The following DPYD variants were observed in gnomAD, a reference collection of about 807,000 sequenced individuals.
DPYD encodes the protein dihydropyrimidine dehydrogenase, also known as dihydropyrimidine dehydrogenase [NADP(+)].
In DPYD, 109 loss-of-function variants were observed where a neutral mutation model predicts 116.2. That is an observed-to-expected ratio of 0.94 (90% CI 0.80 to 1.10). DPYD has a LOEUF of 1.10. Among genes scored for constraint, DPYD ranks in the 50% least tolerant of loss-of-function variants. The probability of loss-of-function intolerance (pLI) is 0.00; values close to 1 mark genes in which losing one functional copy is unlikely to be tolerated. For missense variants in DPYD, 1,302 were observed against 1,254.5 expected (o/e 1.04, Z -0.57); for synonymous variants, 440 against 432.0 (o/e 1.02, Z -0.23).
intron 18 of DPYD, among the ~76,000 whole-genome samples, chr1:97,243,538 C>T (rs1035067892): frequency 2.0e-5 from 3 of 151,872 alleles, no homozygotes; most frequent in Non-Finnish European, 2.9e-5. Context: ...ACACCATGCT[C>T]TTAACCACAA....
intron 13 of DPYD, among the ~76,000 whole-genome samples, chr1:97,493,917 C>T (rs533617937): frequency 3.9e-5 from 6 of 152,248 alleles, no homozygotes; most frequent in African/African-American, 1.4e-4. Flanking sequence ...GAGGGCAACT[C>T]AGTCTTTGTT....
intron 20 of DPYD, among the ~76,000 whole-genome samples, chr1:97,107,501 A>G (rs1042715662): frequency 5.9e-5 from 9 of 152,078 alleles, no homozygotes; most frequent in Non-Finnish European, 1.3e-4. Context: ...GGGGATTATA[A>G]ATTTAACAAG....
At chr1:97,427,215 A>T (rs1415531193) in intron 14 of DPYD, among the ~76,000 whole-genome samples, 1 of 152,068 alleles carries the variant, frequency 6.6e-6, no homozygotes. Flanking sequence ...CTGTTTATGA[A>T]GTTAAATATT....
intron 8 of DPYD, among the ~76,000 whole-genome samples, chr1:97,672,709 T>C (rs1440564658): frequency 1.3e-5 from 2 of 152,160 alleles, no homozygotes; most frequent in African/African-American, 4.8e-5. Flanking sequence ...CACAACTATG[T>C]ACAATTTAAA....
intron 8 of DPYD, among the ~76,000 whole-genome samples, chr1:97,677,850 G>A (rs1660227525): frequency 6.6e-6 from 1 of 152,142 alleles, no homozygotes; most frequent in Admixed American, 6.5e-5. Flanking sequence ...CATTAATGAT[G>A]ACTGCACTTC....
At chr1:97,542,445 A>C (rs748569243) in intron 12 of DPYD, among the ~76,000 whole-genome samples, 2 of 152,180 alleles carry the variant, frequency 1.3e-5, no homozygotes, top group Admixed American at 6.6e-5. Flanking sequence ...TGGAGTGAGC[A>C]ACATATAAAA....
chr1:97,255,822 C>G (rs573548196), intron 18 of DPYD, among the ~76,000 whole-genome samples: 72 of 151,652 alleles, frequency 4.7e-4, no homozygotes, highest in Non-Finnish European at 1.6e-4. Flanking sequence ...CCAGAGTCCA[C>G]GTTCCTTATC....
At chr1:97,638,638 G>A (rs1295331980) in intron 8 of DPYD, among the ~76,000 whole-genome samples, 1 of 152,112 alleles carries the variant, frequency 6.6e-6, no homozygotes, top group Non-Finnish European at 1.5e-5. Flanking sequence ...GCCAATGCAG[G>A]CTGTACTAAC....
chr1:97,451,411 C>G (rs1676405567), intron 13 of DPYD, among the ~76,000 whole-genome samples: 1 of 152,134 alleles, frequency 6.6e-6, no homozygotes, highest in Admixed American at 6.6e-5. Flanking sequence ...TTTACATTCA[C>G]TTTTACATGC....
chr1:97,528,538 C>T (rs542534931), intron 12 of DPYD, among the ~76,000 whole-genome samples: 46 of 152,076 alleles, frequency 3.0e-4, no homozygotes, highest in Non-Finnish European at 5.7e-4. Flanking sequence ...TCTACCTCTA[C>T]CCCCAATTAT....
chr1:97,223,022 C>T (rs564341362), intron 19 of DPYD, among the ~76,000 whole-genome samples: 2 of 151,906 alleles, frequency 1.3e-5, no homozygotes, highest in Non-Finnish European at 2.9e-5. Flanking sequence ...TAAAGACACC[C>T]GTCAGTAAAG....
intron 18 of DPYD, among the ~76,000 whole-genome samples, chr1:97,297,310 C>T (rs1570456938): frequency 1.3e-5 from 2 of 152,282 alleles, no homozygotes; most frequent in Middle Eastern, 3.4e-3. Flanking sequence ...TCTCCACCTT[C>T]AAGTATCAGA....
At chr1:97,481,360 G>C (rs1678300751) in intron 13 of DPYD, among the ~76,000 whole-genome samples, 1 of 152,178 alleles carries the variant, frequency 6.6e-6, no homozygotes, top group Admixed American at 6.5e-5. Flanking sequence ...TGTGTGAACT[G>C]TTGTTGAGAT....
intron 14 of DPYD, among the ~76,000 whole-genome samples, chr1:97,414,482 C>T (rs563444824): frequency 3.9e-5 from 6 of 152,118 alleles, no homozygotes; most frequent in East Asian, 1.9e-4. Flanking sequence ...TGTACAGTTT[C>T]GGTCAAGCAG....
intron 2 of DPYD, chr1:97,856,411 A>G (rs570887010): frequency 7.3e-5 from 11 of 151,686 alleles, no homozygotes; most frequent in African/African-American, 2.4e-4. Flanking sequence ...AAGTTTTTAG[A>G]AAAAAAAAGG....
chr1:97,795,141 T>C (rs1276107317), intron 3 of DPYD, among the ~76,000 whole-genome samples: 2 of 152,072 alleles, frequency 1.3e-5, no homozygotes, highest in Non-Finnish European at 2.9e-5. Context: ...GTCATACTTC[T>C]TTATGTAAAG....
chr1:97,540,841 TACACAC>T lies in DPYD; in HGVS notation c.1524+8713_1524+8718del, dbSNP rs374076393. 3.6e-3 allele frequency among the ~76,000 whole-genome samples: 539 copies of T among 151,466 alleles called. 5 individuals carry two copies. The highest frequency in any genetic ancestry group is 0.012 in the African/African-American group (503 of 41,368). On this transcript the variant is annotated intron_variant, in intron 12 of 22. Coordinates refer to ENST00000370192, the MANE Select transcript of DPYD (RefSeq NM_000110.4). ...TCAGCCATCAGTCAACTCATTAGCA[TACACAC>T]ACACACACATACTCATCACTTTGGA...
chr1:97,821,756 T>C (rs1168435410), intron 3 of DPYD, among the ~76,000 whole-genome samples: 3 of 152,170 alleles, frequency 2.0e-5, no homozygotes, highest in Non-Finnish European at 2.9e-5. Context: ...CCATTATTTA[T>C]ACATTACACA....
intron 18 of DPYD, among the ~76,000 whole-genome samples, chr1:97,246,182 T>A (rs1286541523): frequency 1.3e-5 from 2 of 152,146 alleles, no homozygotes; most frequent in African/African-American, 4.8e-5. Flanking sequence ...ACAATAACAT[T>A]TCTTCCTAAA....
Sources: gnomAD v4.1 joint callset for allele counts (sites outside exome capture counted in the v4.1 genomes callset) on GRCh38, gnomAD v4.1.1 for gene constraint, MANE v1.5 for transcripts, NCBI Gene and HGNC (gene_info 2026-07-23, HGNC 2026-07-21) for gene names.